RTL4: variants seen among roughly 807,000 people sequenced by gnomAD.
RTL4 encodes the protein retrotransposon Gag like 4, also known as retrotransposon Gag-like protein 4.
A neutral mutation model predicts 5.3 loss-of-function variants in RTL4; 4 were observed. That is an observed-to-expected ratio of 0.75 (90% confidence interval 0.37 to 1.72). RTL4 has a LOEUF of 1.72. RTL4 is among the 40% of genes most tolerant of loss of function. The pLI, the probability that RTL4 is intolerant of heterozygous loss-of-function variation, is 0.04. For missense variants in RTL4, 260 were observed against 227.1 expected (o/e 1.14, Z -0.93); for synonymous variants, 98 against 87.3 (o/e 1.12, Z -0.68).
chrX:112,316,154 C>G, the RTL4 span, among the ~76,000 whole-genome samples: 18 of 111,973 alleles, frequency 1.6e-4, no homozygotes, highest in Non-Finnish European at 3.4e-4. Context: ...TGTAAAGTGA[C>G]AGCCCAGTGA....
the RTL4 span, among the ~76,000 whole-genome samples, chrX:112,251,366 C>A: frequency 9.0e-6 from 1 of 111,410 alleles, no homozygotes; most frequent in African/African-American, 3.3e-5. Context: ...GTTTTCATCC[C>A]TCTCTTCTTC....
At chrX:112,148,464 T>C in the RTL4 span, among the ~76,000 whole-genome samples, 1 of 111,554 alleles carries the variant, frequency 9.0e-6, no homozygotes, top group Non-Finnish European at 1.9e-5. Flanking sequence ...AGGGCCACAA[T>C]TTAATTCCTG....
At chrX:112,406,227 C>T in the RTL4 span, among the ~76,000 whole-genome samples, 87 of 111,786 alleles carry the variant, frequency 7.8e-4, no homozygotes, top group African/African-American at 2.6e-3. Flanking sequence ...TCTCACATTG[C>T]TATAAAGAAA....
chrX:112,332,165 A>G, the RTL4 span, among the ~76,000 whole-genome samples: 2 of 110,357 alleles, frequency 1.8e-5, no homozygotes, highest in Non-Finnish European at 3.8e-5. Flanking sequence ...CAATAAAAAA[A>G]AAAAAGTCAG....
At chrX:112,291,068 C>T in the RTL4 span, among the ~76,000 whole-genome samples, 2 of 111,324 alleles carry the variant, frequency 1.8e-5, no homozygotes, top group Admixed American at 1.9e-4. Flanking sequence ...GATAGGAATA[C>T]TTTGCATAAG....
At chrX:112,124,767 G>T in the RTL4 span, among the ~76,000 whole-genome samples, 2 of 110,422 alleles carry the variant, frequency 1.8e-5, no homozygotes, top group Non-Finnish European at 3.8e-5. Flanking sequence ...TAACAAACCT[G>T]CACGTTCTGC....
chrX:112,083,443 C>G, the RTL4 span, among the ~76,000 whole-genome samples: 34 of 112,323 alleles, frequency 3.0e-4, no homozygotes, highest in African/African-American at 1.1e-3. Context: ...GACAGGGAGA[C>G]AGCGGAGCGC....
chrX:112,392,212 G>A, the RTL4 span, among the ~76,000 whole-genome samples: 2 of 112,308 alleles, frequency 1.8e-5, no homozygotes, highest in Admixed American at 9.4e-5. Context: ...GGGAGTTACA[G>A]AGCTGCTACT....
the RTL4 span, among the ~76,000 whole-genome samples, chrX:112,097,384 T>C: frequency 9.0e-6 from 1 of 111,369 alleles, no homozygotes; most frequent in African/African-American, 3.3e-5. Flanking sequence ...GCCTGTAACC[T>C]GAGCACTTTG....
chrX:112,126,849 C>T, the RTL4 span, among the ~76,000 whole-genome samples: 1 of 111,715 alleles, frequency 9.0e-6, no homozygotes, highest in Non-Finnish European at 1.9e-5. Context: ...ACTACCAATT[C>T]TGACTCAAAA....
the RTL4 span, among the ~76,000 whole-genome samples, chrX:112,283,291 C>T: frequency 9.0e-6 from 1 of 111,560 alleles, no homozygotes; most frequent in African/African-American, 3.3e-5. Flanking sequence ...ACTCATTCAC[C>T]TTTTTTGGAC....
chrX:112,209,940 A>G, the RTL4 span, among the ~76,000 whole-genome samples: 7 of 111,685 alleles, frequency 6.3e-5, no homozygotes, highest in African/African-American at 2.3e-4. Context: ...TGATTCACCT[A>G]TGGGGGCCTG....
the RTL4 span, among the ~76,000 whole-genome samples, chrX:112,378,004 T>G: frequency 9.0e-6 from 1 of 111,664 alleles, no homozygotes; most frequent in East Asian, 2.8e-4. Context: ...AGTAAGATTC[T>G]AAGAGATCCT....
At chrX:112,308,971 G>T in the RTL4 span, among the ~76,000 whole-genome samples, 1 of 111,595 alleles carries the variant, frequency 9.0e-6, no homozygotes, top group Non-Finnish European at 1.9e-5. Context: ...TTCCTGGATT[G>T]TGTAATAGGT....
the RTL4 span, among the ~76,000 whole-genome samples, chrX:112,276,799 AC>A: frequency 8.9e-6 from 1 of 112,276 alleles, no homozygotes; most frequent in Non-Finnish European, 1.9e-5. Context: ...TTGAAATCAA[AC>A]TATTAAACTG....
At chrX:112,100,193 GA>G in the RTL4 span, among the ~76,000 whole-genome samples, 1 of 111,939 alleles carries the variant, frequency 8.9e-6, no homozygotes, top group Non-Finnish European at 1.9e-5. Flanking sequence ...CAGGCCACTG[GA>G]GTTTAGCAAT....
chrX:112,382,001 A>C, the RTL4 span: 1 of 1,207,894 alleles, frequency 8.3e-7, no homozygotes, highest in Non-Finnish European at 1.1e-6. Context: ...GCAGTTCAAG[A>C]AGGAATTACT....
chrX:112,454,695 T>G, exon 1 of RTL4: 1 of 1,140,711 alleles, frequency 8.8e-7, no homozygotes, highest in Non-Finnish European at 1.2e-6. Context: ...TAGTACTCAA[T>G]TCTACTCAAT....
chrX:112,284,831 C>T, the RTL4 span, among the ~76,000 whole-genome samples: 42 of 111,454 alleles, frequency 3.8e-4, no homozygotes, highest in African/African-American at 1.3e-3. Flanking sequence ...TTCAATTTGC[C>T]CATTCTGATC....
Sources: gnomAD v4.1 joint callset for allele counts (sites outside exome capture counted in the v4.1 genomes callset) on GRCh38, gnomAD v4.1.1 for gene constraint, MANE v1.5 for transcripts, NCBI Gene and HGNC (gene_info 2026-07-23, HGNC 2026-07-21) for gene names.